SALL3: variants seen among roughly 807,000 people sequenced by gnomAD.
The protein encoded by SALL3 is spalt like transcription factor 3, also known as sal-like protein 3.
SALL3 carries 25 observed loss-of-function variants against 66.2 expected under a neutral mutation model. The observed-to-expected ratio is 0.38, with a 90% confidence interval of 0.28 to 0.53. SALL3 has a LOEUF of 0.53. Ranked by LOEUF, SALL3 falls within the 20% of genes least tolerant of loss-of-function variation. The pLI, the probability that SALL3 is intolerant of heterozygous loss-of-function variation, is 0.85. For synonymous variants in SALL3, 1,152 were observed against 899.1 expected, an observed-to-expected ratio of 1.28 and a Z score of -5.03; for missense variants, 2,194 against 1,916.5, an observed-to-expected ratio of 1.14 and a Z score of -2.70.
intron 1 of SALL3, among the ~76,000 whole-genome samples, chr18:78,987,485 A>G (rs764637553): frequency 6.6e-6 from 1 of 152,176 alleles, no homozygotes; most frequent in Non-Finnish European, 1.5e-5. Flanking sequence ...CTTCTGTACA[A>G]CTGAGAAACA....
chr18:78,994,570 C>T lies in SALL3; in HGVS notation c.2579C>T (p.Thr860Ile). 1.2e-6 allele frequency: 2 copies of T among 1,611,416 alleles called. No homozygotes were observed. The highest frequency in any genetic ancestry group is 1.7e-6 in the Non-Finnish European group (2 of 1,179,354). Residue 860 changes from threonine to isoleucine, a missense_variant, in exon 2 of 3, where the codon ACC (threonine) becomes ATC (isoleucine). Thr to Ile is a moderately conservative substitution (Grantham distance 89). Transcript: ENST00000537592. ...TCGGTCATGAGCTGCCAGCAGCTGACCGGCCTCAAGTCCGTGGAGAACGGG... is the reference window on the plus strand; with the variant it reads ...TCGGTCATGAGCTGCCAGCAGCTGATCGGCCTCAAGTCCGTGGAGAACGGG... ...IDSVMSCQQL[T>I]GLKSVENGSG...
In SALL3 at chr18:78,994,901, G is replaced by A. The variant is rs754434021; in HGVS notation, c.2910G>A (p.Glu970=). 1.2e-6 allele frequency: 2 copies of A among 1,612,752 alleles called. No homozygotes were observed. The highest frequency in any genetic ancestry group is 3.3e-5 in the Admixed American group (2 of 59,954). ...TCAGCCTGCTGTTCCTGAGCAGGGA[G>A]CGGGGTAAGTGTCCCAGCACTGTGT... ...APFSLLFLSR[E]RGKCPSTVCG... Residue 970 remains glutamate (E), a synonymous_variant, in exon 2 of 3, where the codon GAG becomes GAA. Coordinates refer to ENST00000537592, the MANE Select transcript of SALL3 (RefSeq NM_171999.4).
chr18:78,995,258 G>T lies in SALL3; in HGVS notation c.3267G>T (p.Gly1089=), dbSNP rs1381979968. ...PLPAGVQVPA[G]PQTVMGPGLA... is the part of the protein sequence containing the mutation. ...CCGCGGGCGTCCAGGTCCCCGCCGGGCCTCAGACAGTGATGGGCCCGGGCC... is the reference window on the plus strand; with the variant it reads ...CCGCGGGCGTCCAGGTCCCCGCCGGTCCTCAGACAGTGATGGGCCCGGGCC... Residue 1089 remains glycine, a synonymous_variant, in exon 2 of 3, where the codon GGG becomes GGT. Transcript: ENST00000537592. 6.3e-7 allele frequency: 1 copy of T among 1,596,768 alleles called. No homozygotes were observed. Among genetic ancestry groups the T allele is most frequent in the Non-Finnish European group, 8.5e-7 (1 of 1,176,684 alleles).
At position 78,994,858 on chromosome 18, in the gene SALL3, T is replaced by G. The variant is rs372389064; in HGVS notation, c.2867T>G (p.Ile956Ser). ...GSGGAPGRAG[I>S]KEEAPFSLLF... is the part of the protein sequence containing the mutation. The stretch of plus-strand genomic sequence containing the variant: ...GGAGGCGCCCCTGGCCGCGCGGGCA[T>G]CAAGGAGGAGGCGCCCTTCAGCCTG... Residue 956 changes from isoleucine to serine, a missense_variant, in exon 2 of 3, where the codon ATC becomes AGC. Transcript: ENST00000537592. 6.2e-7 allele frequency: 1 copy of G among 1,604,440 alleles called. No individual in the cohort carries two copies. Among genetic ancestry groups the G allele is most frequent in the Non-Finnish European group, 8.5e-7 (1 of 1,175,724 alleles).
Position 78,986,816 on chromosome 18 carries a change from T to G in SALL3, c.83-5258T>G, listed in dbSNP as rs116477847. On this transcript the variant is annotated intron_variant, in intron 1 of 2. Coordinates refer to ENST00000537592, the MANE Select transcript of SALL3 (RefSeq NM_171999.4). ...CAGCAAAAGTGTATTGAAGGTGAGC[T>G]TTTGAGATTGATAAAGGAAATTACA... is the stretch of plus-strand genomic sequence containing the variant. Among the ~76,000 whole-genome samples, 273 of 152,336 alleles carry G rather than the reference T, an allele frequency of 1.8e-3. 1 individual carries two copies. The highest frequency in any genetic ancestry group is 6.3e-3 in the African/African-American group (264 of 41,584).
chr18:78,980,706 C>T (rs1205648169), intron 1 of SALL3, among the ~76,000 whole-genome samples: 1 of 151,916 alleles, frequency 6.6e-6, no homozygotes, highest in Non-Finnish European at 1.5e-5. Flanking sequence ...CCCAGGGTCT[C>T]TGCGCCAGGA....
Position 78,992,933 on chromosome 18 carries a change from C to T in SALL3, c.942C>T (p.Pro314=). ...GPAEPSAPAA[P]SAAPAPAAPA... ...CGGAGCCCAGCGCGCCCGCCGCCCC[C>T]AGCGCCGCCCCTGCCCCCGCTGCCC... The change falls in exon 2 of 3, where the codon CCC becomes CCT. Residue 314 remains proline (P), a synonymous_variant. Coordinates refer to ENST00000537592, the MANE Select transcript of SALL3 (RefSeq NM_171999.4). The T allele has an allele frequency of 9.7e-7, 1 of 1,028,998 alleles. No individual in the cohort carries two copies. The highest frequency in any genetic ancestry group is 1.2e-6 in the Non-Finnish European group (1 of 858,888). 63.7% of individuals were successfully genotyped at this position (1,028,998 alleles called of 1,614,324 possible). A position where few individuals can be genotyped will look rare whatever the true frequency, so the allele number is the denominator to read the frequency against.
chr18:78,982,214 C>G (rs1026479345), intron 1 of SALL3, among the ~76,000 whole-genome samples: 3 of 152,208 alleles, frequency 2.0e-5, no homozygotes, highest in Non-Finnish European at 4.4e-5. Flanking sequence ...ATTTGAAAGC[C>G]TAAGATGGGA....
chr18:78,993,206 G>C lies in SALL3; in HGVS notation c.1215G>C (p.Ser405=). 1 of 1,611,244 alleles carries C rather than the reference G, an allele frequency of 6.2e-7. No individual in the cohort carries two copies. The highest frequency in any genetic ancestry group is 1.7e-5 in the Admixed American group (1 of 59,936). ...KHRKGKPPNV[S]VFEPKASAED... is the part of the protein sequence containing the mutation. ...GCAAGGGCAAGCCGCCCAATGTGTC[G>C]GTGTTCGAGCCCAAAGCCAGCGCCG... The change falls in exon 2 of 3, where the codon TCG becomes TCC. Residue 405 remains serine, a synonymous_variant. Coordinates refer to ENST00000537592, the MANE Select transcript of SALL3 (RefSeq NM_171999.4).
intron 1 of SALL3, among the ~76,000 whole-genome samples, chr18:78,987,401 T>G (rs1297353911): frequency 6.6e-6 from 1 of 152,218 alleles, no homozygotes; most frequent in East Asian, 1.9e-4. Context: ...TACATATTTT[T>G]TTTAACTATC....
chr18:78,984,301 T>C (rs1453947364), intron 1 of SALL3, among the ~76,000 whole-genome samples: 1 of 152,248 alleles, frequency 6.6e-6, no homozygotes, highest in African/African-American at 2.4e-5. Context: ...AATTTAGCAT[T>C]CTTAAAAGTA....
chr18:78,994,859 C>T lies in SALL3; in HGVS notation c.2868C>T (p.Ile956=). ...GAGGCGCCCCTGGCCGCGCGGGCAT[C>T]AAGGAGGAGGCGCCCTTCAGCCTGC... is the stretch of plus-strand genomic sequence containing the variant. The part of the protein sequence containing the change: ...GSGGAPGRAG[I]KEEAPFSLLF... The change falls in exon 2 of 3, where the codon ATC becomes ATT. Residue 956 remains isoleucine, a synonymous_variant. Transcript: ENST00000537592. The T allele has an allele frequency of 6.2e-7, 1 of 1,604,522 alleles. No homozygotes were observed. The highest frequency in any genetic ancestry group is 8.5e-7 in the Non-Finnish European group (1 of 1,175,752).
intron 1 of SALL3, among the ~76,000 whole-genome samples, chr18:78,987,542 A>G (rs757955195): frequency 2.0e-5 from 3 of 152,216 alleles, no homozygotes; most frequent in Non-Finnish European, 4.4e-5. Context: ...CTGAAAATCT[A>G]GGTGTAAACA....
rs764762893 is a variant in SALL3, at chr18:78,992,113, C to T, written c.122C>T (p.Pro41Leu). Reference protein sequence around the residue: ...GEGAEDADSGPESRSGGEETS... With the variant: ...GEGAEDADSGLESRSGGEETS... ...GGTGCGGAGGACGCAGACAGCGGGC[C>T]CGAGAGCCGCAGCGGGGGCGAGGAG... The change falls in exon 2 of 3, where the codon CCC becomes CTC. Residue 41 changes from proline (P) to leucine (L), a missense_variant. Transcript: ENST00000537592. 37 of 1,590,160 alleles carry T rather than the reference C, an allele frequency of 2.3e-5. No homozygotes were observed. The South Asian group carries it at 4.2e-4, about 18-fold the overall frequency.
chr18:78,990,588 C>G (rs1251499127), intron 1 of SALL3, among the ~76,000 whole-genome samples: 1 of 152,160 alleles, frequency 6.6e-6, no homozygotes, highest in African/African-American at 2.4e-5. Context: ...CCCTAAACAT[C>G]AACAACAAAT....
intron 2 of SALL3, among the ~76,000 whole-genome samples, chr18:78,995,701 T>G (rs1181434917): frequency 2.7e-4 from 1 of 3,730 alleles, no homozygotes; most frequent in Non-Finnish European, 1.1e-3. Flanking sequence ...TGTGTATGGG[T>G]CGTGTGTGTG....
intron 2 of SALL3, among the ~76,000 whole-genome samples, chr18:78,996,087 G>A (rs763530555): frequency 6.6e-6 from 1 of 152,204 alleles, no homozygotes; most frequent in African/African-American, 2.4e-5. Context: ...AGGCCCTGTC[G>A]TTCTGTCCGT....
rs1332818616 is a variant in SALL3, at chr18:78,993,834, G to T, written c.1843G>T (p.Ala615Ser). ...NARAGDAPVG[A>S]QASAAPTSVD... ...CAGGGCCGGGGACGCTCCCGTGGGC[G>T]CGCAGGCTAGCGCTGCACCCACATC... Residue 615 changes from alanine to serine, a missense_variant, in exon 2 of 3, where the codon GCG (alanine) becomes TCG (serine). Physicochemically the swap from Ala to Ser is moderately conservative, Grantham distance 99 (BLOSUM62 1). Transcript: ENST00000537592. 1.9e-6 allele frequency: 3 copies of T among 1,549,036 alleles called. No homozygotes were observed. Among genetic ancestry groups the T allele is most frequent in the Non-Finnish European group, 2.6e-6 (3 of 1,149,486 alleles).
At chr18:78,984,897 CCTGT>C (rs1206569335) in intron 1 of SALL3, 3 of 152,174 alleles carry the variant, frequency 2.0e-5, no homozygotes, top group Non-Finnish European at 2.9e-5. Context: ...CCTCTGTGGG[CCTGT>C]CTTTTTCAAT....
Sources: allele counts gnomAD v4.1 joint callset (sites outside exome capture counted in the v4.1 genomes callset), GRCh38; gene constraint gnomAD v4.1.1; transcripts MANE v1.5; gene names NCBI Gene and HGNC (gene_info 2026-07-23, HGNC 2026-07-21).